ST6GAL2: variants seen among roughly 807,000 people sequenced by gnomAD.
ST6GAL2 encodes the protein ST6 beta-galactoside alpha-2,6-sialyltransferase 2.
Under a neutral mutation model 37.5 loss-of-function variants are expected in ST6GAL2, and 24 were observed. The ratio of observed to expected loss-of-function variants is 0.64; its 90% CI spans 0.46 to 0.90. The LOEUF (loss-of-function observed/expected upper bound fraction) is 0.90, where lower values mean the gene tolerates loss of function less well. Among genes scored for constraint, ST6GAL2 ranks in the 40% least tolerant of loss-of-function variants. The pLI, the probability that ST6GAL2 is intolerant of heterozygous loss-of-function variation, is 0.00. For missense variants in ST6GAL2, 715 were observed against 712.7 expected, an observed-to-expected ratio of 1.00 and a Z score of -0.04; for synonymous variants, 306 against 295.1, an observed-to-expected ratio of 1.04 and a Z score of -0.38.
chr2:106,802,783 G>T lies in ST6GAL2; in HGVS notation c.*3895C>A, dbSNP rs1301017008. 1 of 152,150 alleles carries T rather than the reference G, an allele frequency of 6.6e-6. No homozygotes were observed. Among genetic ancestry groups the T allele is most frequent in the African/African-American group, 2.4e-5 (1 of 41,436 alleles). The allele number at this position is 152,150 out of a possible 1,614,324, so 9.4% of individuals were successfully genotyped here. A position where few individuals can be genotyped will look rare whatever the true frequency, so the allele number is the denominator to read the frequency against. Reference sequence around the variant, plus strand: ...ATACTTGGAAGCTACCTGGCCAATAGGTTCACTCATGTCTTTCTGATAATT... The same window carrying T: ...ATACTTGGAAGCTACCTGGCCAATATGTTCACTCATGTCTTTCTGATAATT... On this transcript the variant is annotated 3_prime_UTR_variant, in exon 6 of 6. Transcript: ENST00000409382.
chr2:106,806,672 C>T lies in ST6GAL2; in HGVS notation c.*6G>A, dbSNP rs3796114. 0.11 allele frequency: 175,056 copies of T among 1,610,750 alleles called. 10,425 individuals carry two copies. The highest frequency in any genetic ancestry group is 0.13 in the Admixed American group (7,480 of 59,802). On this transcript the variant is annotated 3_prime_UTR_variant, in exon 6 of 6. Coordinates refer to ENST00000409382, the MANE Select transcript of ST6GAL2 (RefSeq NM_001142351.2). ...TTATTGCACATTGATTCCCAAGAAA[C>T]CCTTTTTAAGAGTGTGGAATGACTG...
chr2:106,834,236 G>T (rs1676542891), intron 2 of ST6GAL2, 90 bp from the exon 3 acceptor site: 1 of 847,156 alleles, frequency 1.2e-6, no homozygotes. Flanking sequence ...TTCAATACCT[G>T]AAGCTAATTA....
chr2:106,880,794 T>G (rs964375212), intron 1 of ST6GAL2, among the ~76,000 whole-genome samples: 2 of 152,178 alleles, frequency 1.3e-5, no homozygotes, highest in African/African-American at 4.8e-5. Flanking sequence ...TCAATAGCCA[T>G]GAATCCCAAC....
chr2:106,868,467 C>A (rs1475507550), intron 1 of ST6GAL2, among the ~76,000 whole-genome samples: 1 of 152,084 alleles, frequency 6.6e-6, no homozygotes, highest in Non-Finnish European at 1.5e-5. Flanking sequence ...CAATGCTGAC[C>A]TCAGTTTTAC....
At chr2:106,851,397 AGT>A (rs1187799474) in intron 1 of ST6GAL2, among the ~76,000 whole-genome samples, 1 of 152,252 alleles carries the variant, frequency 6.6e-6, no homozygotes, top group East Asian at 1.9e-4. Flanking sequence ...AGCACAAAAG[AGT>A]GTTTAAATTC....
intron 5 of ST6GAL2, among the ~76,000 whole-genome samples, chr2:106,814,579 T>G (rs554405801): frequency 3.3e-5 from 5 of 152,068 alleles, no homozygotes; most frequent in African/African-American, 1.2e-4. Flanking sequence ...GTTCCACGTC[T>G]ATGTGTATGT....
chr2:106,824,274 A>G (rs1407082420), intron 5 of ST6GAL2, among the ~76,000 whole-genome samples: 1 of 152,238 alleles, frequency 6.6e-6, no homozygotes, highest in Non-Finnish European at 1.5e-5. Context: ...AAGCAAGTAA[A>G]TTTTATAGTT....
chr2:106,850,728 T>C (rs1230304197), intron 1 of ST6GAL2, among the ~76,000 whole-genome samples: 2 of 152,154 alleles, frequency 1.3e-5, no homozygotes, highest in Non-Finnish European at 2.9e-5. Context: ...GGATCATCGT[T>C]TTCCTTGAAA....
chr2:106,814,767 T>C (rs531327747), intron 5 of ST6GAL2, among the ~76,000 whole-genome samples: 1 of 152,270 alleles, frequency 6.6e-6, no homozygotes, highest in African/African-American at 2.4e-5. Flanking sequence ...AAATATGTCA[T>C]TACGTGGGCA....
chr2:106,870,839 T>C lies in ST6GAL2; in HGVS notation c.-58+15254A>G, dbSNP rs182152799. ...ACCAGCAATGTAAACCCTATTAAGATGGCATAGCACGGCTCATAAGGAAAA... is the reference window on the plus strand; with the variant it reads ...ACCAGCAATGTAAACCCTATTAAGACGGCATAGCACGGCTCATAAGGAAAA... On this transcript the variant is annotated intron_variant, in intron 1 of 5. Transcript: ENST00000409382. Among the ~76,000 whole-genome samples, 290 of 152,226 alleles carry C rather than the reference T, an allele frequency of 1.9e-3. 1 individual carries two copies. Among genetic ancestry groups the C allele is most frequent in the African/African-American group, 6.0e-3 (251 of 41,530 alleles).
At chr2:106,826,207 G>A (rs769191755) in intron 5 of ST6GAL2, among the ~76,000 whole-genome samples, 10 of 152,144 alleles carry the variant, frequency 6.6e-5, no homozygotes, top group Admixed American at 2.0e-4. Context: ...CTGAGACTGC[G>A]TAAATTATAA....
At chr2:106,865,134 GAAAT>G (rs1345100290) in intron 1 of ST6GAL2, among the ~76,000 whole-genome samples, 2 of 152,304 alleles carry the variant, frequency 1.3e-5, no homozygotes, top group East Asian at 1.9e-4. Flanking sequence ...CAGATAATAT[GAAAT>G]AAATTGCAAA....
intron 1 of ST6GAL2, among the ~76,000 whole-genome samples, chr2:106,849,730 A>G (rs1435389361): frequency 6.6e-6 from 1 of 152,186 alleles, no homozygotes; most frequent in Non-Finnish European, 1.5e-5. Flanking sequence ...CGTCATCTCT[A>G]TAACAAGAAT....
chr2:106,846,718 C>T (rs1350467000), intron 1 of ST6GAL2, among the ~76,000 whole-genome samples: 1 of 152,152 alleles, frequency 6.6e-6, no homozygotes, highest in Non-Finnish European at 1.5e-5. Context: ...TACAGTAATA[C>T]ATCAAACCTA....
At chr2:106,812,137 C>T (rs913083707) in intron 5 of ST6GAL2, among the ~76,000 whole-genome samples, 3 of 152,128 alleles carry the variant, frequency 2.0e-5, no homozygotes, top group Non-Finnish European at 2.9e-5. Context: ...GGATTAGCGC[C>T]TTTGTAAGAA....
intron 1 of ST6GAL2, among the ~76,000 whole-genome samples, chr2:106,872,613 A>T (rs940545031): frequency 5.3e-5 from 8 of 151,684 alleles, no homozygotes; most frequent in Non-Finnish European, 2.9e-5. Flanking sequence ...TTATTTATTT[A>T]TTATTATTAT....
At chr2:106,814,465 C>T (rs1250987180) in intron 5 of ST6GAL2, among the ~76,000 whole-genome samples, 4 of 145,678 alleles carry the variant, frequency 2.7e-5, no homozygotes, top group Admixed American at 2.1e-4. Flanking sequence ...ATATTAGTTA[C>T]AATATTACGA....
Position 106,801,956 on chromosome 2 carries a change from T to G in ST6GAL2, c.*4722A>C, listed in dbSNP as rs567998627. On this transcript the variant is annotated 3_prime_UTR_variant, in exon 6 of 6. Coordinates refer to ENST00000409382, the MANE Select transcript of ST6GAL2 (RefSeq NM_001142351.2). The stretch of plus-strand genomic sequence containing the variant: ...AATCTACCTAGCAAGAAGACTATTT[T>G]CCATAGAACCAGTAAATGTTTCTTC... The G allele has an allele frequency of 2.6e-5, 4 of 152,348 alleles. No individual in the cohort carries two copies. The highest frequency in any genetic ancestry group is 2.6e-4 in the Admixed American group (4 of 15,304). The allele number at this position is 152,348 out of a possible 1,614,324, so 9.4% of individuals were successfully genotyped here.
intron 1 of ST6GAL2, among the ~76,000 whole-genome samples, chr2:106,869,644 G>C (rs1678179841): frequency 6.6e-6 from 1 of 152,172 alleles, no homozygotes; most frequent in South Asian, 2.1e-4. Flanking sequence ...TTGAGAACAT[G>C]AAAGAACCCT....
Sources: allele counts gnomAD v4.1 joint callset (sites outside exome capture counted in the v4.1 genomes callset), GRCh38; gene constraint gnomAD v4.1.1; transcripts MANE v1.5; gene names NCBI Gene and HGNC (gene_info 2026-07-23, HGNC 2026-07-21).